Variants in SNX4 observed in about 807,000 individuals in gnomAD.
SNX4 encodes the protein sorting nexin 4.
A neutral mutation model predicts 70.8 loss-of-function variants in SNX4; 49 were observed. That is an observed-to-expected ratio of 0.69 (90% confidence interval 0.55 to 0.88). SNX4 has a LOEUF of 0.88. Among genes scored for constraint, SNX4 ranks in the 40% least tolerant of loss-of-function variants. The probability of loss-of-function intolerance (pLI) is 0.00; values close to 1 mark genes in which losing one functional copy is unlikely to be tolerated. For missense variants in SNX4, 528 were observed against 544.8 expected (o/e 0.97, Z 0.31); for synonymous variants, 206 against 183.8 (o/e 1.12, Z -0.98).
At chr3:125,480,369 T>TC in intron 6 of SNX4, 50 bp from the exon 7 acceptor site, 1 of 1,237,074 alleles carries the variant, frequency 8.1e-7, no homozygotes, top group Non-Finnish European at 1.1e-6. Context: ...AAACAAGCAG[T>TC]CAAAAACTGA....
chr3:125,504,514 GA>G (rs574001219), intron 2 of SNX4, 108 bp downstream of exon 2: 1,959 of 993,602 alleles, frequency 2.0e-3, no homozygotes, highest in South Asian at 2.1e-3. Context: ...AGTCAATCCC[GA>G]AAAAAAAAAT....
intron 1 of SNX4, among the ~76,000 whole-genome samples, chr3:125,509,467 T>C (rs1166563203): frequency 2.6e-5 from 4 of 151,042 alleles, no homozygotes; most frequent in Non-Finnish European, 4.4e-5. Flanking sequence ...TACAACCCAA[T>C]TGGGCTGGGC....
chr3:125,466,014 G>C (rs1310333525), intron 9 of SNX4, among the ~76,000 whole-genome samples: 1 of 152,110 alleles, frequency 6.6e-6, no homozygotes, highest in Admixed American at 6.6e-5. Flanking sequence ...CATGAACATA[G>C]TTTATCTTTC....
chr3:125,487,010 G>T (rs1293470983), intron 6 of SNX4, among the ~76,000 whole-genome samples: 1 of 152,112 alleles, frequency 6.6e-6, no homozygotes, highest in Non-Finnish European at 1.5e-5. Flanking sequence ...CCACTCACTT[G>T]CTCTTAACAG....
chr3:125,457,874 G>A (rs894199482), intron 10 of SNX4, among the ~76,000 whole-genome samples: 2 of 151,624 alleles, frequency 1.3e-5, no homozygotes, highest in African/African-American at 2.4e-5. Context: ...ACCTGTACCC[G>A]GCCAAAAACG....
At chr3:125,467,577 T>TA (rs1934061769) in intron 9 of SNX4, among the ~76,000 whole-genome samples, 1 of 151,968 alleles carries the variant, frequency 6.6e-6, no homozygotes, top group Non-Finnish European at 1.5e-5. Flanking sequence ...TTATTATTAT[T>TA]TTTTTTAACT....
At chr3:125,483,377 C>T (rs1353816712) in intron 6 of SNX4, among the ~76,000 whole-genome samples, 1 of 151,988 alleles carries the variant, frequency 6.6e-6, no homozygotes, top group East Asian at 1.9e-4. Context: ...GGAGCTTCTC[C>T]AGAACTGATT....
In SNX4 at chr3:125,516,928, TA is replaced by T. The variant is rs1278202634; in HGVS notation, c.141+3103del. The T allele has an allele frequency of 3.9e-5, 6 of 152,276 alleles. No individual in the cohort carries two copies. The South Asian group carries it at 8.3e-4, about 21-fold the overall frequency. 9.4% of individuals were successfully genotyped at this position (152,276 alleles called of 1,614,324 possible). A position where few individuals can be genotyped will look rare whatever the true frequency, so the allele number is the denominator to read the frequency against. On this transcript the variant is annotated intron_variant, in intron 1 of 13. Transcript: ENST00000251775. ...GACATCTTTGTAGTAAAAAAATGGA[TA>T]AATCAACACATCTTTCAAACCTTTT... is the stretch of plus-strand genomic sequence containing the variant.
At chr3:125,512,556 A>G (rs1171061505) in intron 1 of SNX4, among the ~76,000 whole-genome samples, 1 of 152,226 alleles carries the variant, frequency 6.6e-6, no homozygotes, top group African/African-American at 2.4e-5. Flanking sequence ...ACTGAACACC[A>G]TAATTGTTAA....
chr3:125,451,845 T>A (rs566217726), intron 12 of SNX4, among the ~76,000 whole-genome samples: 1 of 152,246 alleles, frequency 6.6e-6, no homozygotes, highest in South Asian at 2.1e-4. Context: ...CAGGCTGGGC[T>A]TGAACACCTG....
chr3:125,518,661 G>C (rs1365126803), intron 1 of SNX4, among the ~76,000 whole-genome samples: 1 of 152,068 alleles, frequency 6.6e-6, no homozygotes, highest in Non-Finnish European at 1.5e-5. Flanking sequence ...GAGCCCAGGA[G>C]TTGCAGACCA....
At chr3:125,519,910 C>T (rs539494212) in intron 1 of SNX4, 122 bp downstream of exon 1, 19 of 943,922 alleles carry the variant, frequency 2.0e-5, no homozygotes, top group Middle Eastern at 3.2e-4. Context: ...CTCCCCCTCA[C>T]TGCTGGGCCT....
intron 8 of SNX4, among the ~76,000 whole-genome samples, chr3:125,475,469 AT>A (rs1934270343): frequency 6.6e-6 from 1 of 152,080 alleles, no homozygotes; most frequent in Admixed American, 6.5e-5. Flanking sequence ...GGTTCAAGCG[AT>A]TTTCCTGAGT....
At chr3:125,464,455 T>A (rs1314604797) in intron 9 of SNX4, among the ~76,000 whole-genome samples, 5 of 152,108 alleles carry the variant, frequency 3.3e-5, no homozygotes, top group Admixed American at 3.3e-4. Context: ...CAAGGTTTTT[T>A]TTTTTCCATG....
intron 6 of SNX4, among the ~76,000 whole-genome samples, chr3:125,481,929 A>C (rs979268850): frequency 6.6e-6 from 1 of 151,630 alleles, no homozygotes; most frequent in Non-Finnish European, 1.5e-5. Flanking sequence ...TGTGTCACCC[A>C]GGTTGGAATG....
intron 9 of SNX4, among the ~76,000 whole-genome samples, chr3:125,461,446 T>C (rs1345022097): frequency 6.6e-6 from 1 of 152,228 alleles, no homozygotes; most frequent in East Asian, 1.9e-4. Context: ...ATGGTCTTTT[T>C]CATAGGCAGT....
At chr3:125,488,507 A>T (rs1339826799) in intron 6 of SNX4, among the ~76,000 whole-genome samples, 1 of 152,088 alleles carries the variant, frequency 6.6e-6, no homozygotes, top group African/African-American at 2.4e-5. Flanking sequence ...AAAAAACTCA[A>T]GTTACCATCA....
intron 6 of SNX4, among the ~76,000 whole-genome samples, chr3:125,483,695 A>C (rs1047077868): frequency 6.6e-6 from 1 of 152,220 alleles, no homozygotes; most frequent in African/African-American, 2.4e-5. Flanking sequence ...GTCAGAGCTA[A>C]AAGATTCTAA....
rs1276692376 is a variant in SNX4, at chr3:125,447,423, C to T, written c.*356G>A. 5.9e-6 allele frequency: 1 copy of T among 169,590 alleles called. No homozygotes were observed. Among genetic ancestry groups the T allele is most frequent in the African/African-American group, 2.4e-5 (1 of 41,968 alleles). The allele number at this position is 169,590 out of a possible 1,614,324, so 10.5% of individuals were successfully genotyped here. On this transcript the variant is annotated 3_prime_UTR_variant, in exon 14 of 14. Coordinates refer to ENST00000251775, the MANE Select transcript of SNX4 (RefSeq NM_003794.4). ...AGGAATTCAATCTTAGGGAAAAATTCCCTACATTAATAGATCTGAAACAGC... is the reference window on the plus strand; with the variant it reads ...AGGAATTCAATCTTAGGGAAAAATTTCCTACATTAATAGATCTGAAACAGC...
Sources: allele counts gnomAD v4.1 joint callset (sites outside exome capture counted in the v4.1 genomes callset), GRCh38; gene constraint gnomAD v4.1.1; transcripts MANE v1.5; gene names NCBI Gene and HGNC (gene_info 2026-07-23, HGNC 2026-07-21).